AP3B1: variants seen among roughly 807,000 people sequenced by gnomAD.
AP3B1 encodes the protein AP-3 complex subunit beta-1.
A neutral mutation model predicts 132.5 loss-of-function variants in AP3B1; 61 were observed. That is an observed-to-expected ratio of 0.46 (90% CI 0.37 to 0.57). The LOEUF is 0.57. Ranked by LOEUF, AP3B1 falls within the 20% of genes least tolerant of loss-of-function variation. The probability of loss-of-function intolerance (pLI) is 0.00; values close to 1 mark genes in which losing one functional copy is unlikely to be tolerated. For synonymous variants in AP3B1, 388 were observed against 438.3 expected (o/e 0.89, Z 1.43); for missense variants, 1,120 against 1,289.4 (o/e 0.87, Z 2.01).
At chr5:78,236,053 A>G (rs1466644319) in intron 3 of AP3B1, among the ~76,000 whole-genome samples, 2 of 152,206 alleles carry the variant, frequency 1.3e-5, no homozygotes, top group Non-Finnish European at 2.9e-5. Flanking sequence ...AAAAAATAAA[A>G]TAAACAAGGT....
intron 22 of AP3B1, among the ~76,000 whole-genome samples, chr5:78,041,274 C>CA (rs200136009): frequency 0.061 from 7,054 of 116,088 alleles, 265 homozygotes; most frequent in East Asian, 0.16. Flanking sequence ...AACTCCGTCT[C>CA]AAAAAAAAAA....
At chr5:78,193,770 A>ATATATATTTTTTTTTTTTT in intron 7 of AP3B1, among the ~76,000 whole-genome samples, 7 of 67,206 alleles carry the variant, frequency 1.0e-4, no homozygotes, top group East Asian at 3.3e-4. Context: ...ATATATATAT[A>ATATATATTTTTTTTTTTTT]TTTTTTTTTT....
At chr5:78,205,707 T>A (rs576911461) in intron 7 of AP3B1, among the ~76,000 whole-genome samples, 2 of 152,252 alleles carry the variant, frequency 1.3e-5, no homozygotes, top group African/African-American at 4.8e-5. Context: ...GGTCAGCATG[T>A]CAAATGGATA....
intron 2 of AP3B1, among the ~76,000 whole-genome samples, chr5:78,254,232 C>G (rs1747762650): frequency 6.6e-6 from 1 of 151,788 alleles, no homozygotes; most frequent in Admixed American, 6.6e-5. Flanking sequence ...CTCAAAAGGG[C>G]AAATTTAAGA....
intron 14 of AP3B1, among the ~76,000 whole-genome samples, chr5:78,151,089 T>C (rs1333643162): frequency 6.6e-6 from 1 of 152,098 alleles, no homozygotes; most frequent in Non-Finnish European, 1.5e-5. Flanking sequence ...CAGCTAATTT[T>C]TGTATTTTTA....
At chr5:78,061,019 T>A (rs1362346839) in intron 22 of AP3B1, among the ~76,000 whole-genome samples, 1 of 152,118 alleles carries the variant, frequency 6.6e-6, no homozygotes, top group Non-Finnish European at 1.5e-5. Flanking sequence ...TGACATATAG[T>A]GGCACCCTTT....
chr5:78,085,186 G>C (rs1210140864), intron 22 of AP3B1, among the ~76,000 whole-genome samples: 3 of 152,184 alleles, frequency 2.0e-5, no homozygotes, highest in African/African-American at 7.2e-5. Context: ...ACTTTTACCA[G>C]TGGAGCAGTG....
At chr5:78,155,942 G>A (rs970329765) in intron 14 of AP3B1, among the ~76,000 whole-genome samples, 1 of 152,048 alleles carries the variant, frequency 6.6e-6, no homozygotes, top group African/African-American at 2.4e-5. Flanking sequence ...GACAGCTCTG[G>A]GAAACAGATG....
chr5:78,190,186 T>C (rs1332974331), intron 7 of AP3B1, among the ~76,000 whole-genome samples: 1 of 152,150 alleles, frequency 6.6e-6, no homozygotes, highest in Non-Finnish European at 1.5e-5. Flanking sequence ...ATAGCTAAAA[T>C]AGTTCATGTT....
At chr5:78,237,952 T>C (rs191754775) in intron 3 of AP3B1, among the ~76,000 whole-genome samples, 34 of 152,332 alleles carry the variant, frequency 2.2e-4, no homozygotes, top group Admixed American at 1.4e-3. Context: ...TACACAAACC[T>C]ACATGGTATA....
At chr5:78,210,899 T>A (rs1169566934) in intron 7 of AP3B1, among the ~76,000 whole-genome samples, 1 of 152,100 alleles carries the variant, frequency 6.6e-6, no homozygotes, top group Non-Finnish European at 1.5e-5. Flanking sequence ...GGTTTATGCT[T>A]CAAGAAATCT....
intron 2 of AP3B1, among the ~76,000 whole-genome samples, chr5:78,265,550 G>A (rs566574802): frequency 1.6e-3 from 236 of 152,238 alleles, no homozygotes; most frequent in African/African-American, 5.3e-3. Context: ...AGAATCTTTC[G>A]TATTCCTCAG....
chr5:78,141,968 C>T (rs1753167580), intron 14 of AP3B1, among the ~76,000 whole-genome samples: 1 of 152,138 alleles, frequency 6.6e-6, no homozygotes, highest in East Asian at 1.9e-4. Flanking sequence ...GAAAAAGAAA[C>T]AGATCAATTA....
intron 7 of AP3B1, among the ~76,000 whole-genome samples, chr5:78,200,736 C>A (rs948639008): frequency 1.3e-5 from 2 of 152,118 alleles, no homozygotes; most frequent in South Asian, 2.1e-4. Context: ...GAAAACCCAA[C>A]AGAATGGCCA....
At chr5:78,048,688 A>G (rs908918803) in intron 22 of AP3B1, among the ~76,000 whole-genome samples, 1 of 152,218 alleles carries the variant, frequency 6.6e-6, no homozygotes, top group African/African-American at 2.4e-5. Context: ...CAGAGAAACT[A>G]GCTGGTAACT....
chr5:78,177,700 C>T (rs1289529795), intron 8 of AP3B1, among the ~76,000 whole-genome samples: 2 of 151,586 alleles, frequency 1.3e-5, no homozygotes, highest in South Asian at 2.1e-4. Flanking sequence ...GGTTAAGAGC[C>T]CTAAATCGAA....
At chr5:78,216,914 A>G (rs1159720312) in intron 6 of AP3B1, among the ~76,000 whole-genome samples, 2 of 152,148 alleles carry the variant, frequency 1.3e-5, no homozygotes, top group African/African-American at 2.4e-5. Context: ...TTAATGAATC[A>G]TAATGTTAGT....
At chr5:78,280,883 A>G (rs1456396039) in intron 1 of AP3B1, among the ~76,000 whole-genome samples, 1 of 152,216 alleles carries the variant, frequency 6.6e-6, no homozygotes, top group Non-Finnish European at 1.5e-5. Flanking sequence ...AGTTCTAGAC[A>G]TCTGTAGCAC....
intron 7 of AP3B1, among the ~76,000 whole-genome samples, chr5:78,192,244 GA>G (rs1041575990): frequency 6.6e-6 from 1 of 151,366 alleles, no homozygotes; most frequent in African/African-American, 2.4e-5. Context: ...TAAACCAAGA[GA>G]AAAAAAAGCA....
Sources: allele counts gnomAD v4.1 joint callset (sites outside exome capture counted in the v4.1 genomes callset), GRCh38; gene constraint gnomAD v4.1.1; transcripts MANE v1.5; gene names NCBI Gene and HGNC (gene_info 2026-07-23, HGNC 2026-07-21).